The following DIAPH3 variants were observed in gnomAD, a reference collection of about 807,000 sequenced individuals.
DIAPH3 encodes protein diaphanous homolog 3.
Under a neutral mutation model 144.3 loss-of-function variants are expected in DIAPH3, and 117 were observed. That is an observed-to-expected ratio of 0.81 (90% confidence interval 0.70 to 0.95). The LOEUF (loss-of-function observed/expected upper bound fraction) is 0.95, where lower values mean the gene tolerates loss of function less well. Among genes scored for constraint, DIAPH3 ranks in the 40% least tolerant of loss-of-function variants. The pLI, the probability that DIAPH3 is intolerant of heterozygous loss-of-function variation, is 0.00. For missense variants in DIAPH3, 1,421 were observed against 1,412.7 expected, an observed-to-expected ratio of 1.01 and a Z score of -0.09; for synonymous variants, 519 against 488.9, an observed-to-expected ratio of 1.06 and a Z score of -0.81.
At chr13:59,923,679 C>T (rs1393433225) in intron 18 of DIAPH3, among the ~76,000 whole-genome samples, 1 of 152,166 alleles carries the variant, frequency 6.6e-6, no homozygotes, top group Non-Finnish European at 1.5e-5. Context: ...AAGCATGTCA[C>T]TTGGTGACTC....
At chr13:59,763,902 T>C (rs1246920004) in intron 27 of DIAPH3, among the ~76,000 whole-genome samples, 2 of 152,120 alleles carry the variant, frequency 1.3e-5, no homozygotes, top group African/African-American at 2.4e-5. Context: ...GTTGGTTAAC[T>C]AATGGGTTTC....
At chr13:59,935,053 T>C (rs1450795726) in intron 17 of DIAPH3, among the ~76,000 whole-genome samples, 2 of 152,228 alleles carry the variant, frequency 1.3e-5, no homozygotes, top group Non-Finnish European at 2.9e-5. Context: ...GTGCTTGCAC[T>C]GCACAGGTAC....
At chr13:59,746,954 A>C (rs1727919999) in intron 27 of DIAPH3, among the ~76,000 whole-genome samples, 1 of 152,206 alleles carries the variant, frequency 6.6e-6, no homozygotes, top group Admixed American at 6.5e-5. Flanking sequence ...CATCACCCAC[A>C]AGTTATAAAA....
Position 60,128,402 on chromosome 13 carries a change from T to G in DIAPH3, c.213+4555A>C, listed in dbSNP as rs140515512. ...ACATGTGTCTTTATGGTAGAAAATT[T>G]TATATTCCTTTGGGTATATACCCAG... On this transcript the variant is annotated intron_variant, in intron 2 of 27. Coordinates refer to ENST00000400324, the MANE Select transcript of DIAPH3 (RefSeq NM_001042517.2). Among the ~76,000 whole-genome samples the G allele has an allele frequency of 6.6e-5, 10 of 152,322 alleles. No homozygotes were observed. The East Asian group carries it at 1.7e-3, about 26-fold the overall frequency.
At chr13:59,821,589 TA>T (rs1384996493) in intron 24 of DIAPH3, among the ~76,000 whole-genome samples, 2 of 152,158 alleles carry the variant, frequency 1.3e-5, no homozygotes, top group Non-Finnish European at 2.9e-5. Context: ...CTTTGGTAAC[TA>T]AATGTAAAAA....
At chr13:60,045,547 C>A (rs1008414456) in intron 4 of DIAPH3, among the ~76,000 whole-genome samples, 1 of 152,156 alleles carries the variant, frequency 6.6e-6, no homozygotes, top group African/African-American at 2.4e-5. Flanking sequence ...CCTCTTCCTG[C>A]CTACAGACTA....
chr13:59,716,560 T>A (rs1593655939), intron 27 of DIAPH3, among the ~76,000 whole-genome samples: 2 of 152,238 alleles, frequency 1.3e-5, no homozygotes, highest in East Asian at 3.9e-4. Context: ...ACATGCTCTG[T>A]GCCAGGCAAT....
intron 19 of DIAPH3, among the ~76,000 whole-genome samples, chr13:59,915,171 T>C (rs1053835628): frequency 5.9e-5 from 9 of 151,984 alleles, no homozygotes; most frequent in Non-Finnish European, 1.2e-4. Flanking sequence ...GGCACACATA[T>C]AATCAACATG....
chr13:59,682,822 T>C lies in DIAPH3; in HGVS notation c.3320-15976A>G, dbSNP rs572122174. 1.0e-3 allele frequency among the ~76,000 whole-genome samples: 158 copies of C among 152,146 alleles called. 1 individual carries two copies. Among genetic ancestry groups the C allele is most frequent in the Non-Finnish European group, 2.0e-3 (133 of 68,022 alleles). On this transcript the variant is annotated intron_variant, in intron 27 of 27. Coordinates refer to ENST00000400324, the MANE Select transcript of DIAPH3 (RefSeq NM_001042517.2). Reference sequence around the variant, plus strand: ...CTTGTATTGTATTTCTCTCATATGTTTTGTATCCTAGTTAGCCTGGTGTTG... The same window carrying C: ...CTTGTATTGTATTTCTCTCATATGTCTTGTATCCTAGTTAGCCTGGTGTTG...
chr13:59,689,686 G>A (rs547267026), intron 27 of DIAPH3, among the ~76,000 whole-genome samples: 1 of 152,024 alleles, frequency 6.6e-6, no homozygotes, highest in East Asian at 1.9e-4. Context: ...CAGACGGTGG[G>A]GAACAAATTG....
chr13:59,824,945 T>A (rs2041295641), intron 24 of DIAPH3, among the ~76,000 whole-genome samples: 1 of 152,150 alleles, frequency 6.6e-6, no homozygotes, highest in Non-Finnish European at 1.5e-5. Flanking sequence ...AATAAAAATG[T>A]ATTCTATATG....
At chr13:59,724,001 A>T (rs906424500) in intron 27 of DIAPH3, among the ~76,000 whole-genome samples, 1 of 150,654 alleles carries the variant, frequency 6.6e-6, no homozygotes, top group Admixed American at 6.6e-5. Flanking sequence ...GGCTGTCACT[A>T]TGGGCCCTCA....
At chr13:60,118,530 A>G (rs1333459665) in intron 2 of DIAPH3, among the ~76,000 whole-genome samples, 1 of 152,254 alleles carries the variant, frequency 6.6e-6, no homozygotes, top group African/African-American at 2.4e-5. Flanking sequence ...ATCCAAATAC[A>G]TACCTGAAAT....
intron 18 of DIAPH3, among the ~76,000 whole-genome samples, chr13:59,921,034 T>C (rs775404375): frequency 6.6e-6 from 1 of 151,632 alleles, no homozygotes; most frequent in Admixed American, 6.6e-5. Context: ...TATAAAAATG[T>C]ATTTAGAAAA....
intron 9 of DIAPH3, among the ~76,000 whole-genome samples, chr13:59,993,138 A>T (rs2051948376): frequency 6.6e-6 from 1 of 151,884 alleles, no homozygotes; most frequent in Non-Finnish European, 1.5e-5. Context: ...TTTGGCAAAA[A>T]TTCAAAATTA....
At chr13:59,758,638 T>C (rs1012836131) in intron 27 of DIAPH3, among the ~76,000 whole-genome samples, 2 of 152,208 alleles carry the variant, frequency 1.3e-5, no homozygotes, top group African/African-American at 4.8e-5. Context: ...ATATAAAGTT[T>C]ACATTTAAAA....
chr13:60,041,966 T>C (rs1023628612), intron 5 of DIAPH3, among the ~76,000 whole-genome samples: 6 of 152,140 alleles, frequency 3.9e-5, no homozygotes, highest in African/African-American at 1.2e-4. Flanking sequence ...TTCAGGTACA[T>C]CTTCCTGATT....
At chr13:59,813,809 G>A (rs145868068) in intron 24 of DIAPH3, among the ~76,000 whole-genome samples, 4,655 of 145,132 alleles carry the variant, frequency 0.032, 263 homozygotes, top group African/African-American at 0.11. Flanking sequence ...TCAGTGAGCC[G>A]AGATCACACC....
At chr13:59,761,127 A>G (rs1183628546) in intron 27 of DIAPH3, among the ~76,000 whole-genome samples, 1 of 152,090 alleles carries the variant, frequency 6.6e-6, no homozygotes, top group Non-Finnish European at 1.5e-5. Flanking sequence ...AAATTTATAA[A>G]CCCTTTAAAA....
Sources: allele counts gnomAD v4.1 joint callset (sites outside exome capture counted in the v4.1 genomes callset), GRCh38; gene constraint gnomAD v4.1.1; transcripts MANE v1.5; gene names NCBI Gene and HGNC (gene_info 2026-07-23, HGNC 2026-07-21).